Variants in SRBD1 observed in about 807,000 individuals in gnomAD.
SRBD1 encodes the protein S1 RNA-binding domain-containing protein 1.
Under a neutral mutation model 115.3 loss-of-function variants are expected in SRBD1, and 88 were observed. The observed-to-expected ratio is 0.76, with a 90% CI of 0.64 to 0.91. The LOEUF (loss-of-function observed/expected upper bound fraction) is 0.91. Among genes scored for constraint, SRBD1 ranks in the 40% least tolerant of loss-of-function variants. The pLI is 0.00. For missense variants in SRBD1, 1,385 were observed against 1,177.4 expected (o/e 1.18, Z -2.58); for synonymous variants, 509 against 407.7 (o/e 1.25, Z -2.99).
Position 45,574,770 on chromosome 2 carries a change from T to C in SRBD1, c.1073-47A>G, listed in dbSNP as rs201512156. ...GAAAACAAAAACAAAAAGTATACGA[T>C]TGGTTTTAAATTCTATAACTAAATC... On this transcript the variant is annotated intron_variant, in intron 7 of 20. Coordinates refer to ENST00000263736, the MANE Select transcript of SRBD1 (RefSeq NM_018079.5). 5.5e-5 allele frequency: 83 copies of C among 1,501,712 alleles called. No homozygotes were observed. In the East Asian group the frequency reaches 1.2e-3, roughly 22 times the overall value. 93.0% of individuals were successfully genotyped at this position (1,501,712 alleles called of 1,614,324 possible). A position where few individuals can be genotyped will look rare whatever the true frequency, so the allele number is the denominator to read the frequency against.
At chr2:45,464,753 C>A (rs946580415) in intron 16 of SRBD1, among the ~76,000 whole-genome samples, 1 of 152,062 alleles carries the variant, frequency 6.6e-6, no homozygotes, top group Non-Finnish European at 1.5e-5. Flanking sequence ...TGTTCCAGAT[C>A]ACAGAATGTG....
At chr2:45,524,066 C>T (rs1032237419) in intron 14 of SRBD1, among the ~76,000 whole-genome samples, 1 of 151,882 alleles carries the variant, frequency 6.6e-6, no homozygotes, top group African/African-American at 2.4e-5. Flanking sequence ...TTCATATGAT[C>T]GCAGAAACAA....
intron 11 of SRBD1, among the ~76,000 whole-genome samples, chr2:45,552,747 T>C (rs1672342328): frequency 6.6e-6 from 1 of 152,206 alleles, no homozygotes; most frequent in Non-Finnish European, 1.5e-5. Flanking sequence ...AAAATGGATG[T>C]AACAAGAGAT....
chr2:45,513,177 A>G (rs1388987118), intron 14 of SRBD1, among the ~76,000 whole-genome samples: 1 of 152,200 alleles, frequency 6.6e-6, no homozygotes, highest in Non-Finnish European at 1.5e-5. Context: ...GGCTCCAGCA[A>G]GAACATATCC....
chr2:45,610,593 A>C (rs1484830526), intron 1 of SRBD1, among the ~76,000 whole-genome samples: 1 of 152,148 alleles, frequency 6.6e-6, no homozygotes, highest in African/African-American at 2.4e-5. Context: ...ATGTCACGTG[A>C]GGGGTTCGAG....
At position 45,452,822 on chromosome 2, in the gene SRBD1, C is replaced by G. The variant is rs1290131564; in HGVS notation, c.2049+24171G>C. On this transcript the variant is annotated intron_variant, in intron 16 of 20. Transcript: ENST00000263736. ...GGCGTAAGTTGGTTACCAGTTGTCA[C>G]CCAAAAATAACAGTTTCTTTTATTA... is the stretch of plus-strand genomic sequence containing the variant. Among the ~76,000 whole-genome samples the G allele has an allele frequency of 2.0e-5, 3 of 151,748 alleles. No individual in the cohort carries two copies. In the East Asian group the frequency reaches 5.8e-4, roughly 29 times the overall value.
rs539612926 is a variant in SRBD1 at position 45,436,181 on chromosome 2, A to G, written c.2050-16287T>C. Among the ~76,000 whole-genome samples the G allele has an allele frequency of 3.9e-5, 6 of 152,336 alleles. No individual in the cohort carries two copies. The South Asian group carries it at 1.0e-3, about 26-fold the overall frequency. ...AAAATCACATAGTCCTAGCTGCAGAAAAAGCACTTGACAAAATCTAACTAA... is the reference window on the plus strand; with the variant it reads ...AAAATCACATAGTCCTAGCTGCAGAGAAAGCACTTGACAAAATCTAACTAA... On this transcript the variant is annotated intron_variant, in intron 16 of 20. Coordinates refer to ENST00000263736, the MANE Select transcript of SRBD1 (RefSeq NM_018079.5).
chr2:45,453,699 G>C (rs1274685260), intron 16 of SRBD1, among the ~76,000 whole-genome samples: 1 of 151,812 alleles, frequency 6.6e-6, no homozygotes, highest in Non-Finnish European at 1.5e-5. Flanking sequence ...ATTGCAAAGA[G>C]GTTCTTTCTG....
intron 16 of SRBD1, chr2:45,447,138 G>A (rs1188123600): frequency 6.6e-6 from 1 of 152,184 alleles, no homozygotes; most frequent in Non-Finnish European, 1.5e-5. Flanking sequence ...CCCATCACTT[G>A]TAAAAAATTA....
intron 1 of SRBD1, among the ~76,000 whole-genome samples, chr2:45,606,287 G>A (rs537403154): frequency 1.3e-5 from 2 of 151,444 alleles, no homozygotes; most frequent in African/African-American, 4.8e-5. Context: ...AGCCTCCCTA[G>A]TAGCTGGGAT....
chr2:45,389,526 G>T lies in SRBD1; in HGVS notation c.2772C>A (p.Gly924=), dbSNP rs1207100721. 3.1e-6 allele frequency: 5 copies of T among 1,613,990 alleles called. No individual in the cohort carries two copies. Among genetic ancestry groups the T allele is most frequent in the Non-Finnish European group, 4.2e-6 (5 of 1,179,948 alleles). ...CAAAGAGAGTGGCATTCTCAACTTT[G>T]CCTGTAAGAACTGTCCCAATCTGCA... The part of the protein sequence containing the change: ...EDLQIGTVLT[G]KVENATLFGI... Residue 924 remains glycine, a synonymous_variant, in exon 21 of 21, where the codon GGC becomes GGA. Transcript: ENST00000263736.
intron 16 of SRBD1, among the ~76,000 whole-genome samples, chr2:45,445,210 A>G (rs918115008): frequency 6.6e-6 from 1 of 152,216 alleles, no homozygotes; most frequent in African/African-American, 2.4e-5. Flanking sequence ...TCTGGGACTC[A>G]GCTGAAAAAA....
At chr2:45,503,992 A>T (rs1368430514) in intron 14 of SRBD1, among the ~76,000 whole-genome samples, 1 of 152,178 alleles carries the variant, frequency 6.6e-6, no homozygotes, top group African/African-American at 2.4e-5. Context: ...GAGTTATATA[A>T]AGCCCTAAGC....
intron 14 of SRBD1, among the ~76,000 whole-genome samples, chr2:45,518,459 G>A (rs751522274): frequency 6.6e-6 from 1 of 152,198 alleles, no homozygotes; most frequent in Non-Finnish European, 1.5e-5. Context: ...TGTCAGTCCA[G>A]TTGTTTGCTG....
chr2:45,583,065 G>T (rs1443269039), intron 5 of SRBD1, among the ~76,000 whole-genome samples: 1 of 152,132 alleles, frequency 6.6e-6, no homozygotes, highest in African/African-American at 2.4e-5. Flanking sequence ...TGTTGTTACA[G>T]TTAATGCTTC....
At chr2:45,538,268 G>A (rs1000492483) in intron 14 of SRBD1, among the ~76,000 whole-genome samples, 1 of 152,144 alleles carries the variant, frequency 6.6e-6, no homozygotes, top group Non-Finnish European at 1.5e-5. Context: ...GCCACCCAGA[G>A]GGCCTTACCC....
chr2:45,396,578 GT>G (rs1478893869), intron 19 of SRBD1, among the ~76,000 whole-genome samples: 1 of 152,174 alleles, frequency 6.6e-6, no homozygotes. Flanking sequence ...TCTGCACAAA[GT>G]TAAAATACAG....
At chr2:45,582,891 G>T (rs1240636081) in intron 5 of SRBD1, among the ~76,000 whole-genome samples, 6 of 152,196 alleles carry the variant, frequency 3.9e-5, no homozygotes, top group African/African-American at 1.4e-4. Context: ...CCCATAATTG[G>T]TTTCCAAATA....
intron 14 of SRBD1, among the ~76,000 whole-genome samples, chr2:45,507,578 C>T (rs1014541600): frequency 2.0e-5 from 3 of 151,590 alleles, no homozygotes; most frequent in East Asian, 1.9e-4. Flanking sequence ...AAAATTAGCC[C>T]GGCATGGTGG....
Sources: allele counts gnomAD v4.1 joint callset (sites outside exome capture counted in the v4.1 genomes callset), GRCh38; gene constraint gnomAD v4.1.1; transcripts MANE v1.5; gene names NCBI Gene and HGNC (gene_info 2026-07-23, HGNC 2026-07-21).